ANKRD30B: variants seen among roughly 807,000 people sequenced by gnomAD.
The protein encoded by ANKRD30B is ankyrin repeat domain-containing protein 30B.
Under a neutral mutation model 202.2 loss-of-function variants are expected in ANKRD30B, and 144 were observed. That is an observed-to-expected ratio of 0.71 (90% confidence interval 0.62 to 0.82). The LOEUF is 0.82. Ranked by LOEUF, ANKRD30B falls within the 40% of genes least tolerant of loss-of-function variation. ANKRD30B has a pLI of 0.00. For missense variants in ANKRD30B, 1,487 were observed against 1,669.1 expected (o/e 0.89, Z 1.90); for synonymous variants, 508 against 561.3 (o/e 0.91, Z 1.34).
At chr18:14,825,750 T>A (rs1970633095) in intron 32 of ANKRD30B, among the ~76,000 whole-genome samples, 1 of 152,208 alleles carries the variant, frequency 6.6e-6, no homozygotes, top group Admixed American at 6.5e-5. Context: ...TAAGAGGCCA[T>A]GTCTAACTAG....
intron 42 of ANKRD30B, among the ~76,000 whole-genome samples, chr18:14,853,109 G>T (rs1971956507): frequency 6.6e-6 from 1 of 151,658 alleles, no homozygotes; most frequent in Non-Finnish European, 1.5e-5. Context: ...CACCCCACTG[G>T]TATTCATAAT....
In ANKRD30B at chr18:14,840,600, A is replaced by G. The variant is rs1971377556; in HGVS notation, c.3001A>G (p.Ser1001Gly). ...STSDSEIISV[S>G]DTQNYECLPE... ...TTATCTTTAACAGATTATCTCTGTG[A>G]GTGATACACAGAATTATGAGTGTTT... The change falls in exon 37 of 44, where the codon AGT (serine) becomes GGT (glycine). Residue 1001 changes from serine (S) to glycine (G), a missense_variant. Coordinates refer to ENST00000690538, the MANE Select transcript of ANKRD30B (RefSeq NM_001367607.2). The G allele has an allele frequency of 6.8e-7, 1 of 1,466,606 alleles. No individual in the cohort carries two copies. The highest frequency in any genetic ancestry group is 9.2e-7 in the Non-Finnish European group (1 of 1,088,268). 90.8% of individuals were successfully genotyped at this position (1,466,606 alleles called of 1,614,324 possible).
downstream of ANKRD30B, among the ~76,000 whole-genome samples, chr18:14,858,172 C>A (rs1382532105): frequency 1.2e-5 from 1 of 85,116 alleles, no homozygotes; most frequent in Non-Finnish European, 2.3e-5. Context: ...CAGGCAGAGG[C>A]GCTCCTCACT....
At chr18:14,875,973 A>G in the ANKRD30B span, among the ~76,000 whole-genome samples, 1 of 152,124 alleles carries the variant, frequency 6.6e-6, no homozygotes, top group Non-Finnish European at 1.5e-5. Context: ...GTGCCTTTTC[A>G]TGTCCCATGG....
the ANKRD30B span, among the ~76,000 whole-genome samples, chr18:14,871,532 A>T: frequency 6.6e-6 from 1 of 151,184 alleles, no homozygotes; most frequent in Non-Finnish European, 1.5e-5. Context: ...AAGTCCATGG[A>T]TGTACTGATT....
chr18:14,808,543 T>A lies in ANKRD30B; in HGVS notation c.2285-8T>A, dbSNP rs184795032. The A allele has an allele frequency of 3.2e-3, 4,673 of 1,479,144 alleles. 313 individuals are homozygous for A. The African/African-American group carries it at 0.057, about 18-fold the overall frequency. The allele number at this position is 1,479,144 out of a possible 1,614,324, so 91.6% of individuals were successfully genotyped here. ...TATAATCAATTATATATGTCCCTTT[T>A]CTTTTAGAGTCTCCTGATAAAGATG... is the stretch of plus-strand genomic sequence containing the variant. On this transcript the variant is annotated splice_region_variant and splice_polypyrimidine_tract_variant and intron_variant, in intron 24 of 43. Transcript: ENST00000690538.
chr18:14,936,350 A>G, the ANKRD30B span, among the ~76,000 whole-genome samples: 2 of 151,990 alleles, frequency 1.3e-5, no homozygotes, highest in Admixed American at 6.6e-5. Context: ...AGCTTCTTCC[A>G]TCCTCCCTCC....
At chr18:14,906,318 T>C in the ANKRD30B span, among the ~76,000 whole-genome samples, 1 of 152,188 alleles carries the variant, frequency 6.6e-6, no homozygotes, top group South Asian at 2.1e-4. Flanking sequence ...CTCTCTTTTG[T>C]TGTAAAATGG....
rs1006606807 is a variant in ANKRD30B at position 14,752,596 on chromosome 18, C to G, written c.252C>G (p.Gly84=). 1 of 1,612,274 alleles carries G rather than the reference C, an allele frequency of 6.2e-7. No homozygotes were observed. Residue 84 remains glycine (G), a synonymous_variant, in exon 2 of 44, where the codon GGC becomes GGG. Coordinates refer to ENST00000690538, the MANE Select transcript of ANKRD30B (RefSeq NM_001367607.2). ...CTCTACACTGGGCCTGTGTCAATGG[C>G]CATGCAGAAGTAGTAACATTTCTGG... ...RTALHWACVN[G]HAEVVTFLVD... is the part of the protein sequence containing the mutation.
intron 11 of ANKRD30B, among the ~76,000 whole-genome samples, chr18:14,780,982 A>C (rs1967697093): frequency 6.6e-6 from 1 of 152,278 alleles, no homozygotes; most frequent in South Asian, 2.1e-4. Flanking sequence ...GTCCAAGGTC[A>C]CAACTGTGGA....
the ANKRD30B span, among the ~76,000 whole-genome samples, chr18:14,925,307 A>G: frequency 1.3e-5 from 2 of 151,908 alleles, no homozygotes; most frequent in South Asian, 2.1e-4. Context: ...CTGCACTGCC[A>G]TCTTGCCCCT....
At chr18:14,918,999 G>A in the ANKRD30B span, among the ~76,000 whole-genome samples, 12 of 152,290 alleles carry the variant, frequency 7.9e-5, no homozygotes, top group South Asian at 4.2e-4. Flanking sequence ...AGCCCTCACC[G>A]GATGCTGATA....
At chr18:14,822,811 G>C (rs1970490180) in intron 32 of ANKRD30B, 134 bp downstream of exon 32, 12 of 1,212,084 alleles carry the variant, frequency 9.9e-6, no homozygotes, top group Non-Finnish European at 1.3e-5. Flanking sequence ...TAATGCCAAT[G>C]TTAGTATTCA....
chr18:14,788,483 T>C (rs1968236321), intron 15 of ANKRD30B, among the ~76,000 whole-genome samples: 1 of 152,130 alleles, frequency 6.6e-6, no homozygotes, highest in African/African-American at 2.4e-5. Context: ...CATGCTGGTG[T>C]GCTCCACCCA....
chr18:14,779,634 T>C (rs1967595236), intron 10 of ANKRD30B, among the ~76,000 whole-genome samples: 1 of 152,158 alleles, frequency 6.6e-6, no homozygotes, highest in Non-Finnish European at 1.5e-5. Context: ...TGATAAGTAA[T>C]TAAAGTTATC....
At chr18:14,750,147 T>C (rs1286082658) in intron 1 of ANKRD30B, among the ~76,000 whole-genome samples, 1 of 152,122 alleles carries the variant, frequency 6.6e-6, no homozygotes, top group Non-Finnish European at 1.5e-5. Context: ...AAAGGCAGCA[T>C]ACTTGTAAAA....
Position 14,797,920 on chromosome 18 carries a change from C to G in ANKRD30B, c.2029+66C>G, listed in dbSNP as rs572110847. The G allele has an allele frequency of 1.3e-3, 1,698 of 1,273,758 alleles. 22 individuals are homozygous for G. The highest frequency in any genetic ancestry group is 4.9e-3 in the Middle Eastern group (18 of 3,646). 78.9% of individuals were successfully genotyped at this position (1,273,758 alleles called of 1,614,324 possible). ...ATTAAACTATTTGAAATGCCAAGAGCCTTTTATTCCCAATGTTGTTTTCTT... is the reference window on the plus strand; with the variant it reads ...ATTAAACTATTTGAAATGCCAAGAGGCTTTTATTCCCAATGTTGTTTTCTT... On this transcript the variant is annotated intron_variant, in intron 20 of 43. Coordinates refer to ENST00000690538, the MANE Select transcript of ANKRD30B (RefSeq NM_001367607.2).
the ANKRD30B span, chr18:14,877,786 C>T: frequency 3.3e-5 from 5 of 152,106 alleles, no homozygotes; most frequent in Non-Finnish European, 7.4e-5. Context: ...AGGTAATGCA[C>T]GAGGAACTCT....
chr18:14,904,061 G>A, the ANKRD30B span, among the ~76,000 whole-genome samples: 1 of 152,166 alleles, frequency 6.6e-6, no homozygotes, highest in South Asian at 2.1e-4. Flanking sequence ...ATTAACACCT[G>A]TATAATCCTG....
Sources: gnomAD v4.1 joint callset for allele counts (sites outside exome capture counted in the v4.1 genomes callset) on GRCh38, gnomAD v4.1.1 for gene constraint, MANE v1.5 for transcripts, NCBI Gene and HGNC (gene_info 2026-07-23, HGNC 2026-07-21) for gene names.